The following PIH1D2 variants were observed in gnomAD, a reference collection of about 807,000 sequenced individuals.
PIH1D2 encodes the protein PIH1 domain-containing protein 2.
In PIH1D2, 25 loss-of-function variants were observed where a neutral mutation model predicts 31.2. The ratio of observed to expected loss-of-function variants is 0.80; its 90% CI spans 0.58 to 1.12. The LOEUF is 1.12. PIH1D2 is among the 50% of genes most tolerant of loss of function. The pLI is 0.00. For missense variants in PIH1D2, 310 were observed against 356.6 expected, an observed-to-expected ratio of 0.87 and a Z score of 1.05; for synonymous variants, 116 against 119.9, an observed-to-expected ratio of 0.97 and a Z score of 0.21.
downstream of PIH1D2, among the ~76,000 whole-genome samples, chr11:112,064,907 A>G (rs587640484): frequency 6.7e-6 from 1 of 148,370 alleles, no homozygotes; most frequent in East Asian, 2.0e-4. Flanking sequence ...GTGGCACAAT[A>G]TCAGCTCACT....
Position 112,071,246 on chromosome 11 carries a change from A to G in PIH1D2, c.339T>C (p.Asp113=). The G allele has an allele frequency of 1.9e-6, 3 of 1,613,738 alleles. No homozygotes were observed. Among genetic ancestry groups the G allele is most frequent in the African/African-American group, 1.3e-5 (1 of 75,040 alleles). The part of the protein sequence containing the change: ...YTVIDVAYNP[D]VLHAAEKDQV... Reference sequence around the variant, plus strand: ...GGTCCTTTTCTGCTGCATGAAGAACATCAGGATTGTAGGCAACATCAATGA... The same window carrying G: ...GGTCCTTTTCTGCTGCATGAAGAACGTCAGGATTGTAGGCAACATCAATGA... The change falls in exon 4 of 6, where the codon GAT becomes GAC. Residue 113 remains aspartate, a synonymous_variant. Transcript: ENST00000280350.
chr11:112,064,155 C>T (rs188958332), downstream of PIH1D2: 528 of 1,555,156 alleles, frequency 3.4e-4, 3 homozygotes, highest in African/African-American at 6.3e-3. Flanking sequence ...TGATCCAAAT[C>T]TGGTTCAAAC....
downstream of PIH1D2, chr11:112,062,410 G>A: frequency 6.2e-7 from 1 of 1,612,408 alleles, no homozygotes; most frequent in Non-Finnish European, 8.5e-7. Flanking sequence ...TTCTAGGTTT[G>A]ATGTGGCTAG....
downstream of PIH1D2, among the ~76,000 whole-genome samples, chr11:112,066,194 A>G (rs1421951748): frequency 2.0e-5 from 3 of 152,180 alleles, no homozygotes; most frequent in Non-Finnish European, 4.4e-5. Context: ...AAGTCTGCAT[A>G]TAGCTTACTT....
At chr11:112,069,178 A>G (rs1555184244) in intron 5 of PIH1D2, among the ~76,000 whole-genome samples, 1 of 150,238 alleles carries the variant, frequency 6.7e-6, no homozygotes, top group Non-Finnish European at 1.5e-5. Flanking sequence ...TTTTTTTTGT[A>G]TTTTAGTAGA....
the PIH1D2 span, among the ~76,000 whole-genome samples, chr11:112,054,581 G>C: frequency 6.6e-6 from 1 of 152,278 alleles, no homozygotes; most frequent in East Asian, 1.9e-4. Flanking sequence ...TTCTCAATCT[G>C]ATCAAACCTA....
At chr11:112,052,496 C>CT in the PIH1D2 span, among the ~76,000 whole-genome samples, 4 of 152,092 alleles carry the variant, frequency 2.6e-5, no homozygotes, top group Non-Finnish European at 5.9e-5. Flanking sequence ...TGGGGAAACA[C>CT]TTTATGTTTA....
Position 112,070,525 on chromosome 11 carries a change from C to G in PIH1D2, c.724G>C (p.Asp242His). The G allele has an allele frequency of 6.2e-7, 1 of 1,614,092 alleles. No individual in the cohort carries two copies. The highest frequency in any genetic ancestry group is 8.5e-7 in the Non-Finnish European group (1 of 1,180,000). ...MPAYELKIVH[D>H]HSEKPLKIEL... ...ATTTTCAGAGGTTTCTCACTGTGATCATGCACAATTTTTAGTTCATAGGCT... is the reference window on the plus strand; with the variant it reads ...ATTTTCAGAGGTTTCTCACTGTGATGATGCACAATTTTTAGTTCATAGGCT... Residue 242 changes from aspartate (D) to histidine (H), a missense_variant, in exon 5 of 6, where the codon GAT (aspartate) becomes CAT (histidine). Physicochemically the swap from Asp to His is moderately conservative, Grantham distance 81. Transcript: ENST00000280350.
At chr11:112,059,936 T>G, downstream of PIH1D2, 2 of 1,613,020 alleles carry the variant, frequency 1.2e-6, no homozygotes, top group Non-Finnish European at 1.7e-6. Context: ...TTGCGGTCAG[T>G]ACTCCTGCAG....
downstream of PIH1D2, chr11:112,064,157 G>T: frequency 6.4e-7 from 1 of 1,557,162 alleles, no homozygotes; most frequent in Non-Finnish European, 8.7e-7. Flanking sequence ...ATCCAAATCT[G>T]GTTCAAACAT....
rs1865120645 is a variant in PIH1D2, at chr11:112,071,704, C to T, written c.232G>A (p.Ala78Thr). The T allele has an allele frequency of 2.5e-6, 4 of 1,613,718 alleles. No homozygotes were observed. Among genetic ancestry groups the T allele is most frequent in the Non-Finnish European group, 1.7e-6 (2 of 1,179,598 alleles). ...INLCQWTRIP[A>T]PQSTTHPVPL... ...ACTGGATGAGTGGTTGATTGGGGAG[C>T]TGGGATCCTTGTCCACTGACACAGG... Residue 78 changes from alanine to threonine, a missense_variant, in exon 3 of 6, where the codon GCT (alanine) becomes ACT (threonine). Coordinates refer to ENST00000280350, the MANE Select transcript of PIH1D2 (RefSeq NM_138789.4).
intron 1 of PIH1D2, among the ~76,000 whole-genome samples, chr11:112,073,689 A>G (rs1555185155): frequency 6.6e-6 from 1 of 152,192 alleles, no homozygotes; most frequent in African/African-American, 2.4e-5. Flanking sequence ...TCTGTTCAAA[A>G]TGAAGACGAT....
chr11:112,069,092 G>A (rs777858839), intron 5 of PIH1D2, among the ~76,000 whole-genome samples: 5 of 145,890 alleles, frequency 3.4e-5, no homozygotes, highest in Non-Finnish European at 6.0e-5. Flanking sequence ...TCCGCCTCCC[G>A]GGTTCAAGCA....
downstream of PIH1D2, chr11:112,062,545 G>A (rs201775924): frequency 2.6e-5 from 42 of 1,612,012 alleles, no homozygotes; most frequent in Non-Finnish European, 3.5e-5. Flanking sequence ...ACTAACTCAA[G>A]AATTTCTAAA....
downstream of PIH1D2, among the ~76,000 whole-genome samples, chr11:112,065,180 C>G (rs1025558731): frequency 6.6e-6 from 1 of 152,122 alleles, no homozygotes; most frequent in Non-Finnish European, 1.5e-5. Context: ...CAGTAAGATT[C>G]CAATTTAAAC....
chr11:112,063,404 A>C (rs2135180669), downstream of PIH1D2: 1 of 152,732 alleles, frequency 6.5e-6, no homozygotes, highest in East Asian at 1.9e-4. Context: ...ACTGTGGAAA[A>C]TGCTATCAAA....
At chr11:112,062,442 T>C (rs781792884), downstream of PIH1D2, 4 of 1,612,754 alleles carry the variant, frequency 2.5e-6, no homozygotes, top group Non-Finnish European at 1.7e-6. Context: ...TTACACTCAG[T>C]TGTGATCACC....
At chr11:112,065,860 A>G (rs922346251), downstream of PIH1D2, among the ~76,000 whole-genome samples, 1 of 152,176 alleles carries the variant, frequency 6.6e-6, no homozygotes, top group Non-Finnish European at 1.5e-5. Flanking sequence ...AGTCGCCTGT[A>G]ATCCCAGCTA....
chr11:112,061,288 CA>C (rs1318306581), downstream of PIH1D2: 21 of 1,098,440 alleles, frequency 1.9e-5, no homozygotes, highest in Non-Finnish European at 2.9e-5. Flanking sequence ...TCGTGATCCA[CA>C]ATGCTCAAGT....
Sources: gnomAD v4.1 joint callset for allele counts (sites outside exome capture counted in the v4.1 genomes callset) on GRCh38, gnomAD v4.1.1 for gene constraint, MANE v1.5 for transcripts, NCBI Gene and HGNC (gene_info 2026-07-23, HGNC 2026-07-21) for gene names.